FAM171B: variants seen among roughly 807,000 people sequenced by gnomAD.
FAM171B encodes the protein protein FAM171B.
Under a neutral mutation model 75.6 loss-of-function variants are expected in FAM171B, and 19 were observed. That is an observed-to-expected ratio of 0.25 (90% CI 0.18 to 0.37). The LOEUF is 0.37. Ranked by LOEUF, FAM171B falls within the 10% of genes least tolerant of loss-of-function variation. The pLI, the probability that FAM171B is intolerant of heterozygous loss-of-function variation, is 1.00. For missense variants in FAM171B, 848 were observed against 982.4 expected (o/e 0.86, Z 1.83); for synonymous variants, 367 against 361.7 (o/e 1.01, Z -0.17).
chr2:186,759,412 C>A (rs900327188), intron 6 of FAM171B, among the ~76,000 whole-genome samples: 1 of 152,056 alleles, frequency 6.6e-6, no homozygotes, highest in Admixed American at 6.6e-5. Context: ...TTTTGAGGAA[C>A]ATCCTAATTG....
intron 1 of FAM171B, among the ~76,000 whole-genome samples, chr2:186,698,560 A>C (rs1012052763): frequency 3.9e-5 from 6 of 152,218 alleles, no homozygotes; most frequent in Non-Finnish European, 7.3e-5. Context: ...TTTATGGGCT[A>C]CATGAGATAT....
intron 1 of FAM171B, among the ~76,000 whole-genome samples, chr2:186,699,315 C>T (rs1689625237): frequency 6.6e-6 from 1 of 152,090 alleles, no homozygotes; most frequent in Non-Finnish European, 1.5e-5. Flanking sequence ...GGATAAAAGC[C>T]ATTTTAACTG....
At position 186,735,409 on chromosome 2, in the gene FAM171B, T is replaced by C. The variant is rs1393284434; in HGVS notation, c.239-4819T>C. On this transcript the variant is annotated intron_variant, in intron 1 of 7. Transcript: ENST00000304698. ...CATCTCAAATGGCCAATCCTTAGGT[T>C]CTACAATAGTGATGTTATTTGCAGG... Among the ~76,000 whole-genome samples, 6 of 152,304 alleles carry C rather than the reference T, an allele frequency of 3.9e-5. No homozygotes were observed. The East Asian group carries it at 7.7e-4, about 20-fold the overall frequency.
At chr2:186,760,206 G>T (rs1157278629) in intron 6 of FAM171B, among the ~76,000 whole-genome samples, 1 of 152,026 alleles carries the variant, frequency 6.6e-6, no homozygotes, top group East Asian at 1.9e-4. Flanking sequence ...AGCTTTTACT[G>T]CAGTAAAGCT....
At chr2:186,701,810 T>C (rs1312580774) in intron 1 of FAM171B, among the ~76,000 whole-genome samples, 1 of 152,206 alleles carries the variant, frequency 6.6e-6, no homozygotes, top group Non-Finnish European at 1.5e-5. Flanking sequence ...AAGTAGAAAC[T>C]GTACCAATTA....
At chr2:186,727,544 G>A (rs921953402) in intron 1 of FAM171B, among the ~76,000 whole-genome samples, 2 of 152,108 alleles carry the variant, frequency 1.3e-5, no homozygotes, top group Non-Finnish European at 1.5e-5. Context: ...GTAGCCATAG[G>A]TAATGTATAA....
At chr2:186,703,078 C>CACAT (rs1559080637) in intron 1 of FAM171B, among the ~76,000 whole-genome samples, 1 of 144,210 alleles carries the variant, frequency 6.9e-6, no homozygotes, top group African/African-American at 2.7e-5. Flanking sequence ...TATATATATA[C>CACAT]ACACACACAC....
intron 1 of FAM171B, 129 bp downstream of exon 1, chr2:186,694,540 C>T (rs1689551381): frequency 7.6e-7 from 1 of 1,308,966 alleles, no homozygotes; most frequent in Admixed American, 2.8e-5. Context: ...CTCCCGATCT[C>T]TCTCCCCAGA....
intron 5 of FAM171B, among the ~76,000 whole-genome samples, chr2:186,751,667 GT>G (rs1322952796): frequency 4.6e-5 from 7 of 152,078 alleles, no homozygotes; most frequent in African/African-American, 1.7e-4. Context: ...ATGTATGCTA[GT>G]TTCATGAAAA....
intron 1 of FAM171B, among the ~76,000 whole-genome samples, chr2:186,724,361 G>C (rs74736168): frequency 1.8e-4 from 27 of 152,270 alleles, no homozygotes; most frequent in African/African-American, 6.5e-4. Flanking sequence ...GCCCTGGCTA[G>C]TTATGTTACA....
intron 2 of FAM171B, 44 bp from the exon 3 acceptor site, chr2:186,743,439 C>T: frequency 7.3e-7 from 1 of 1,376,492 alleles, no homozygotes; most frequent in South Asian, 1.2e-5. Flanking sequence ...AGTTTTTTTC[C>T]CCTCACATTA....
chr2:186,732,870 G>A (rs1026475850), intron 1 of FAM171B, among the ~76,000 whole-genome samples: 1 of 152,200 alleles, frequency 6.6e-6, no homozygotes, highest in Non-Finnish European at 1.5e-5. Context: ...GCACATGCTT[G>A]GGCCCACTCA....
Position 186,761,828 on chromosome 2 carries a change from C to T in FAM171B, c.1486C>T (p.His496Tyr). The change falls in exon 8 of 8, where the codon CAT (histidine) becomes TAT (tyrosine). Residue 496 changes from histidine (H) to tyrosine (Y), a missense_variant. His to Tyr is a moderately conservative substitution (Grantham distance 83, BLOSUM62 2). Transcript: ENST00000304698. The stretch of plus-strand genomic sequence containing the variant: ...CAATGTAGGGTCCAAACAACCTAAA[C>T]ATATTAACAACAATCTATCTTCATC... Reference protein sequence around the residue: ...EPNVGSKQPKHINNNLSSSLG... With the variant: ...EPNVGSKQPKYINNNLSSSLG... 6.2e-7 allele frequency: 1 copy of T among 1,613,170 alleles called. No homozygotes were observed. Among genetic ancestry groups the T allele is most frequent in the Admixed American group, 1.7e-5 (1 of 59,884 alleles).
Position 186,762,233 on chromosome 2 carries a change from G to A in FAM171B, c.1891G>A (p.Val631Ile), listed in dbSNP as rs368744847. 3.8e-5 allele frequency: 61 copies of A among 1,613,566 alleles called. No individual in the cohort carries two copies. The highest frequency in any genetic ancestry group is 6.7e-5 in the Admixed American group (4 of 59,910). The change falls in exon 8 of 8, where the codon GTC (valine) becomes ATC (isoleucine). Residue 631 changes from valine (V) to isoleucine (I), a missense_variant. Val to Ile is a conservative substitution (Grantham distance 29). Around this residue, in one of 3 missense-constraint regions of FAM171B, gnomAD observed 47 missense variants for 94.0 expected, o/e 0.50. Transcript: ENST00000304698. This position sits in a 1 kb window ranked among gnomAD's most constrained non-coding sequence, Gnocchi z 4.0. ...ATACTCAAGCAGCTTACTGGAATCC[G>A]TCTCTGTTCCTGGAACACTAAATGA... Reference protein sequence around the residue: ...SRYSSSLLESVSVPGTLNEAV... With the variant: ...SRYSSSLLESISVPGTLNEAV...
At chr2:186,758,687 T>C (rs183445064) in intron 6 of FAM171B, among the ~76,000 whole-genome samples, 109 of 152,254 alleles carry the variant, frequency 7.2e-4, no homozygotes, top group African/African-American at 2.5e-3. Flanking sequence ...ATTTTTTATC[T>C]TTATGGGTAC....
chr2:186,747,487 ATTTCT>A (rs1690383163), intron 4 of FAM171B, among the ~76,000 whole-genome samples: 1 of 152,122 alleles, frequency 6.6e-6, no homozygotes. Context: ...GGAAATTTTG[ATTTCT>A]TTTAAATTTA....
intron 6 of FAM171B, among the ~76,000 whole-genome samples, chr2:186,756,312 GA>G (rs1329938846): frequency 6.9e-6 from 1 of 144,890 alleles, no homozygotes; most frequent in Non-Finnish European, 1.5e-5. Flanking sequence ...TACTACATTA[GA>G]AGTATGGATA....
Position 186,763,090 on chromosome 2 carries a change from T to G in FAM171B, c.*267T>G. 2.8e-6 allele frequency: 1 copy of G among 357,960 alleles called. No individual in the cohort carries two copies. The highest frequency in any genetic ancestry group is 2.1e-5 in the African/African-American group (1 of 47,640). 22.2% of individuals were successfully genotyped at this position (357,960 alleles called of 1,614,324 possible). A position where few individuals can be genotyped will look rare whatever the true frequency, so the allele number is the denominator to read the frequency against. Reference sequence around the variant, plus strand: ...CTTCAAGATGTTAGTTATCTGAAAATGTTGCTCAGCCAGCCAGTTTGGCCT... The same window carrying G: ...CTTCAAGATGTTAGTTATCTGAAAAGGTTGCTCAGCCAGCCAGTTTGGCCT... On this transcript the variant is annotated 3_prime_UTR_variant, in exon 8 of 8. Transcript: ENST00000304698.
Position 186,731,932 on chromosome 2 carries a change from C to T in FAM171B, c.239-8296C>T, listed in dbSNP as rs150256111. 4.2e-3 allele frequency among the ~76,000 whole-genome samples: 636 copies of T among 152,206 alleles called. 3 individuals carry two copies. The highest frequency in any genetic ancestry group is 6.1e-3 in the Non-Finnish European group (418 of 68,016). On this transcript the variant is annotated intron_variant, in intron 1 of 7. Transcript: ENST00000304698. Reference sequence around the variant, plus strand: ...ATGATCTGTCACTCTCTCCCATCACCCTGAGATGGGACCATCTAGATGCAA... The same window carrying T: ...ATGATCTGTCACTCTCTCCCATCACTCTGAGATGGGACCATCTAGATGCAA...
Sources: allele counts gnomAD v4.1 joint callset (sites outside exome capture counted in the v4.1 genomes callset), GRCh38; gene constraint gnomAD v4.1.1; regional missense constraint gnomAD v4.1.1; non-coding constraint Gnocchi (gnomAD v3.1); transcripts MANE v1.5; gene names NCBI Gene and HGNC (gene_info 2026-07-23, HGNC 2026-07-21).